PCCB: variants seen among roughly 807,000 people sequenced by gnomAD.
PCCB encodes the protein propionyl-CoA carboxylase subunit beta.
A neutral mutation model predicts 60.7 loss-of-function variants in PCCB; 43 were observed. The observed-to-expected ratio is 0.71, with a 90% CI of 0.55 to 0.91. PCCB has a LOEUF of 0.91. Among genes scored for constraint, PCCB ranks in the 40% least tolerant of loss-of-function variants. PCCB has a pLI of 0.00. For missense variants in PCCB, 766 were observed against 702.8 expected (o/e 1.09, Z -1.02); for synonymous variants, 276 against 255.9 (o/e 1.08, Z -0.75).
intron 5 of PCCB, among the ~76,000 whole-genome samples, chr3:136,279,334 T>C (rs186271263): frequency 2.1e-3 from 323 of 152,344 alleles, no homozygotes; most frequent in African/African-American, 7.4e-3. Flanking sequence ...TAGTTATTTC[T>C]GTATGTGTTT....
chr3:136,277,318 C>T (rs1942354962), intron 5 of PCCB, among the ~76,000 whole-genome samples: 2 of 152,188 alleles, frequency 1.3e-5, no homozygotes, highest in African/African-American at 4.8e-5. Context: ...TGTTATTCTA[C>T]CTAGAGATGC....
At chr3:136,270,155 T>C (rs896794546) in intron 5 of PCCB, among the ~76,000 whole-genome samples, 1 of 152,320 alleles carries the variant, frequency 6.6e-6, no homozygotes. Context: ...TCTAATGATA[T>C]GGTATGTAAC....
At chr3:136,273,911 CAAAAAA>C (rs34690853) in intron 5 of PCCB, among the ~76,000 whole-genome samples, 633 of 55,534 alleles carry the variant, frequency 0.011, 5 homozygotes, top group African/African-American at 0.04. Context: ...GACTCTGTCT[CAAAAAA>C]AAAAAAAAAA....
intron 5 of PCCB, among the ~76,000 whole-genome samples, chr3:136,268,093 T>TATATATATATATATAG (rs1942070653): frequency 2.3e-5 from 2 of 85,526 alleles, no homozygotes; most frequent in Non-Finnish European, 4.2e-5. Flanking sequence ...TGTAGATATA[T>TATATATATATATATAG]ATATATATAT....
intron 10 of PCCB, among the ~76,000 whole-genome samples, chr3:136,319,212 T>C (rs1253972787): frequency 6.6e-6 from 1 of 152,230 alleles, no homozygotes; most frequent in African/African-American, 2.4e-5. Context: ...ATATCTTCTT[T>C]GGAAAAATGT....
At chr3:136,273,883 G>T (rs1415832125) in intron 5 of PCCB, among the ~76,000 whole-genome samples, 3 of 118,412 alleles carry the variant, frequency 2.5e-5, no homozygotes, top group Non-Finnish European at 4.8e-5. Context: ...CTGCACTCCA[G>T]TCTGGGTGAC....
chr3:136,262,952 AG>A (rs1941864702), intron 5 of PCCB, among the ~76,000 whole-genome samples: 1 of 128,398 alleles, frequency 7.8e-6, no homozygotes, highest in African/African-American at 2.7e-5. Flanking sequence ...GGTCTGGAGG[AG>A]GTTTTTTTTT....
chr3:136,263,302 G>A (rs1218732203), intron 5 of PCCB, among the ~76,000 whole-genome samples: 1 of 135,630 alleles, frequency 7.4e-6, no homozygotes, highest in Non-Finnish European at 1.5e-5. Context: ...CAGTGTCTTG[G>A]TTGGCCAGGC....
intron 2 of PCCB, 101 bp downstream of exon 2, chr3:136,256,076 C>T (rs887710795): frequency 2.0e-6 from 3 of 1,537,594 alleles, no homozygotes; most frequent in Non-Finnish European, 2.7e-6. Flanking sequence ...CTGAAGTCCT[C>T]TGCAGAGGCA....
intron 5 of PCCB, among the ~76,000 whole-genome samples, chr3:136,282,833 G>A (rs1942515842): frequency 6.6e-6 from 1 of 152,152 alleles, no homozygotes; most frequent in African/African-American, 2.4e-5. Context: ...GGCAGCCTTG[G>A]TTAAGAATGC....
At chr3:136,264,721 A>C (rs1202533102) in intron 5 of PCCB, among the ~76,000 whole-genome samples, 1 of 150,624 alleles carries the variant, frequency 6.6e-6, no homozygotes, top group African/African-American at 2.4e-5. Flanking sequence ...AAAAAAAACA[A>C]AAAATTAGCC....
At chr3:136,327,818 G>C in intron 13 of PCCB, 86 bp downstream of exon 13, 1 of 1,084,380 alleles carries the variant, frequency 9.2e-7, no homozygotes, top group South Asian at 1.3e-5. Context: ...AAATGTTGGA[G>C]AGAGGCCAGG....
At chr3:136,299,309 T>C (rs1320339782) in intron 8 of PCCB, among the ~76,000 whole-genome samples, 3 of 151,974 alleles carry the variant, frequency 2.0e-5, no homozygotes, top group South Asian at 2.1e-4. Flanking sequence ...TATATATGTA[T>C]ACATACATGT....
chr3:136,326,168 AT>A (rs1218477014), intron 10 of PCCB, among the ~76,000 whole-genome samples: 3 of 151,918 alleles, frequency 2.0e-5, no homozygotes, highest in African/African-American at 7.3e-5. Context: ...AAAAGTAAAA[AT>A]TTTTCATTTA....
Position 136,303,609 on chromosome 3 carries a change from A to C in PCCB, c.966+2498A>C, listed in dbSNP as rs1158546204. On this transcript the variant is annotated intron_variant, in intron 9 of 14. Coordinates refer to ENST00000251654, the MANE Select transcript of PCCB (RefSeq NM_000532.5). ...CTTTACTTATTTATTTATTTAAAAA[A>C]AATTTTTTTTTGAGACAGAGTTTTG... 1.6e-5 allele frequency among the ~76,000 whole-genome samples: 2 copies of C among 121,816 alleles called. 1 individual carries two copies. Among genetic ancestry groups the C allele is most frequent in the Non-Finnish European group, 3.6e-5 (2 of 54,868 alleles). 79.9% of individuals were successfully genotyped at this position (121,816 alleles called of 152,430 possible). A position where few individuals can be genotyped will look rare whatever the true frequency, so the allele number is the denominator to read the frequency against.
At chr3:136,259,456 C>G (rs1488048446) in intron 3 of PCCB, among the ~76,000 whole-genome samples, 1 of 152,160 alleles carries the variant, frequency 6.6e-6, no homozygotes, top group East Asian at 1.9e-4. Flanking sequence ...CAGAGCAAGA[C>G]TTGGTCTCAA....
intron 5 of PCCB, among the ~76,000 whole-genome samples, chr3:136,268,894 C>T (rs144498439): frequency 6.6e-6 from 1 of 152,160 alleles, no homozygotes; most frequent in African/African-American, 2.4e-5. Flanking sequence ...TGGAATGTTT[C>T]TCTGTTTATG....
At chr3:136,281,089 A>C (rs1942463105) in intron 5 of PCCB, among the ~76,000 whole-genome samples, 1 of 152,086 alleles carries the variant, frequency 6.6e-6, no homozygotes, top group Admixed American at 6.6e-5. Context: ...GTTTGACTAT[A>C]ATATGTCTCC....
At chr3:136,326,572 G>A (rs1417301147) in intron 10 of PCCB, among the ~76,000 whole-genome samples, 1 of 152,252 alleles carries the variant, frequency 6.6e-6, no homozygotes, top group African/African-American at 2.4e-5. Flanking sequence ...TTGGTCTGTA[G>A]TGAGTCTGTA....
Sources: allele counts gnomAD v4.1 joint callset (sites outside exome capture counted in the v4.1 genomes callset), GRCh38; gene constraint gnomAD v4.1.1; transcripts MANE v1.5; gene names NCBI Gene and HGNC (gene_info 2026-07-23, HGNC 2026-07-21).